Variants in CUL4B observed in about 807,000 individuals in gnomAD.
CUL4B encodes cullin 4B, also known as cullin-4B.
A neutral mutation model predicts 69.2 loss-of-function variants in CUL4B; 1 was observed. The observed-to-expected ratio is 0.01, with a 90% CI of 0.01 to 0.07. CUL4B has a LOEUF of 0.07. Ranked by LOEUF, CUL4B falls within the 10% of genes least tolerant of loss-of-function variation. CUL4B has a pLI of 1.00. For synonymous variants in CUL4B, 237 were observed against 223.2 expected (o/e 1.06, Z -0.55); for missense variants, 328 against 638.8 (o/e 0.51, Z 5.24).
At chrX:120,566,686 C>T (rs751498976), downstream of CUL4B, among the ~76,000 whole-genome samples, 21 of 109,529 alleles carry the variant, frequency 1.9e-4, no homozygotes, top group South Asian at 1.6e-3. Flanking sequence ...TGTGAGCCAC[C>T]GCACCCAGCC....
rs772935571 is a variant in CUL4B at position 120,560,681 on chromosome X, C to A, written c.-43G>T. ...CAGGCAGAGGAGCATCAAAAACCTA[C>A]GTTTATATGCCTGCGTGCGTGTAGG... is the stretch of plus-strand genomic sequence containing the variant. On this transcript the variant is annotated 5_prime_UTR_variant, in exon 1 of 20. Transcript: ENST00000371322. 5 of 1,183,070 alleles carry A rather than the reference C, an allele frequency of 4.2e-6. No homozygotes were observed. In the East Asian group the frequency reaches 1.5e-4, roughly 36 times the overall value.
At chrX:120,568,231 G>T (rs1369002020), downstream of CUL4B, among the ~76,000 whole-genome samples, 1 of 111,306 alleles carries the variant, frequency 9.0e-6, no homozygotes, top group Non-Finnish European at 1.9e-5. Flanking sequence ...TACCAACCAG[G>T]AAGGAAAGAT....
upstream of CUL4B, chrX:120,561,461 G>A (rs1925314286): frequency 6.0e-6 from 3 of 501,719 alleles, no homozygotes; most frequent in Non-Finnish European, 1.1e-5. Context: ...AAGGGGGGAG[G>A]GAGAAATTGG....
chrX:120,528,665 G>A (rs900368642), intron 19 of CUL4B, among the ~76,000 whole-genome samples: 13 of 110,893 alleles, frequency 1.2e-4, no homozygotes, highest in Non-Finnish European at 1.9e-5. Context: ...ACGCTGCAGT[G>A]AGCCAAGATC....
In CUL4B at chrX:120,547,215, T is replaced by C; in HGVS notation, c.697A>G (p.Lys233Glu). 1 of 1,197,299 alleles carries C rather than the reference T, an allele frequency of 8.4e-7. No individual in the cohort carries two copies. Among genetic ancestry groups the C allele is most frequent in the Non-Finnish European group, 1.1e-6 (1 of 882,861 alleles). ...TGTTTGTACAAGTTTGCAGAAATCT[T>C]GTAAGAACAGAGATTTTCTACAGCC... ...YQAVENLCSYKISANLYKQLR... is the reference protein window; with the variant it reads ...YQAVENLCSYEISANLYKQLR... Residue 233 changes from lysine (K) to glutamate (E), a missense_variant, in exon 3 of 20, where the codon AAG (lysine) becomes GAG (glutamate). By Grantham distance (56) the Lys-to-Glu change is moderately conservative. Coordinates refer to ENST00000371322, the MANE Select transcript of CUL4B (RefSeq NM_001079872.2).
At chrX:120,574,404 G>T (rs1344895794) in intron 2 of CUL4B, 1 of 494,046 alleles carries the variant, frequency 2.0e-6, no homozygotes, top group African/African-American at 2.4e-5. Context: ...TAGAGACGGG[G>T]TTTCACCGTG....
At chrX:120,565,077 T>G (rs1364790765), upstream of CUL4B, among the ~76,000 whole-genome samples, 1 of 111,807 alleles carries the variant, frequency 8.9e-6, no homozygotes, top group East Asian at 2.8e-4. Flanking sequence ...TGTGGACATC[T>G]CCCTAAAAAG....
In CUL4B at chrX:120,539,271, A is replaced by G. The variant is rs1923849803; in HGVS notation, c.1738T>C (p.Tyr580His). The change falls in exon 12 of 20, where the codon TAT becomes CAT. Residue 580 changes from tyrosine (Y) to histidine (H), a missense_variant. Physicochemically the swap from Tyr to His is moderately conservative, Grantham distance 83 (BLOSUM62 2). This residue lies in a region of CUL4B where 98 missense variants were observed against 296.8 expected (regional missense o/e 0.33). Transcript: ENST00000371322. Reference protein sequence around the residue: ...DKIMIIFRFIYGKDVFEAFYK... With the variant: ...DKIMIIFRFIHGKDVFEAFYK... Reference sequence around the variant, plus strand: ...TAAAACATTAGTAAATACTTACCATAGATAAATCTAAATATGATCATAATT... The same window carrying G: ...TAAAACATTAGTAAATACTTACCATGGATAAATCTAAATATGATCATAATT... 2 of 1,073,172 alleles carry G rather than the reference A, an allele frequency of 1.9e-6. No individual in the cohort carries two copies. Among genetic ancestry groups the G allele is most frequent in the Non-Finnish European group, 2.6e-6 (2 of 778,214 alleles). 88.4% of individuals were successfully genotyped at this position (1,073,172 alleles called of 1,213,427 possible). A position where few individuals can be genotyped will look rare whatever the true frequency, so the allele number is the denominator to read the frequency against.
chrX:120,569,361 C>CTTT (rs1172319824), downstream of CUL4B, among the ~76,000 whole-genome samples: 1 of 96,192 alleles, frequency 1.0e-5, no homozygotes, highest in Non-Finnish European at 2.1e-5. Flanking sequence ...AGGGAAGTTT[C>CTTT]TTTTTTTTTT....
rs764580798 is a variant in CUL4B at position 120,571,915 on chromosome X, G to A, written c.*54C>T. The A allele has an allele frequency of 3.6e-5, 4 of 110,209 alleles. No individual in the cohort carries two copies. The East Asian group carries it at 1.1e-3, about 31-fold the overall frequency. The allele number at this position is 110,209 out of a possible 1,213,427, so 9.1% of individuals were successfully genotyped here. A position where few individuals can be genotyped will look rare whatever the true frequency, so the allele number is the denominator to read the frequency against. ...GGGAGTTGAATATGCACCGATTTTGGTATCTGCAGGGTTCCTGGAGCCAGT... is the reference window on the plus strand; with the variant it reads ...GGGAGTTGAATATGCACCGATTTTGATATCTGCAGGGTTCCTGGAGCCAGT... On this transcript the variant is annotated 3_prime_UTR_variant, in exon 3 of 3. Transcript: ENST00000486604.
chrX:120,546,673 T>TGACAGAGAGCATATTA (rs1232782682), intron 3 of CUL4B, 57 bp from the exon 4 acceptor site: 31 of 850,317 alleles, frequency 3.6e-5, no homozygotes, highest in Middle Eastern at 5.5e-4. Flanking sequence ...ATGTGCCATG[T>TGACAGAGAGCATATTA]GACAGAGAGC....
chrX:120,566,711 T>C (rs1227749789), downstream of CUL4B, among the ~76,000 whole-genome samples: 2 of 110,740 alleles, frequency 1.8e-5, no homozygotes, highest in Middle Eastern at 4.2e-3. Flanking sequence ...TTCATATTTT[T>C]AGCAAAATTG....
In CUL4B at chrX:120,560,446, A is replaced by G; in HGVS notation, c.193T>C (p.Ser65Pro). 3.3e-6 allele frequency: 4 copies of G among 1,209,672 alleles called. No homozygotes were observed. The highest frequency in any genetic ancestry group is 4.5e-6 in the Non-Finnish European group (4 of 893,947). The change falls in exon 1 of 20, where the codon TCT (serine) becomes CCT (proline). Residue 65 changes from serine (S) to proline (P), a missense_variant. Physicochemically the swap from Ser to Pro is moderately conservative, Grantham distance 74. This residue lies in a region of CUL4B where 102 missense variants were observed against 122.1 expected (regional missense o/e 0.84). Coordinates refer to ENST00000371322, the MANE Select transcript of CUL4B (RefSeq NM_001079872.2). ...CTGGGTTGTAAAGGAGGAGTGGAAG[A>G]GGAGGAAGAGGTGGAATCAAAGTCT... is the stretch of plus-strand genomic sequence containing the variant. ...REDFDSTSSS[S>P]STPPLQPRDS...
intron 1 of CUL4B, 100 bp downstream of exon 1, chrX:120,559,983 G>A (rs1925186660): frequency 1.7e-6 from 2 of 1,191,133 alleles, no homozygotes; most frequent in African/African-American, 1.8e-5. Context: ...TAAAACATTA[G>A]GCCACCTCCA....
At chrX:120,555,999 G>A (rs1924942115) in intron 2 of CUL4B, among the ~76,000 whole-genome samples, 1 of 105,710 alleles carries the variant, frequency 9.5e-6, no homozygotes, top group African/African-American at 3.5e-5. Flanking sequence ...ACCCCAGAAA[G>A]GGTTTCCATA....
At chrX:120,545,003 T>C (rs763762921) in intron 5 of CUL4B, among the ~76,000 whole-genome samples, 1 of 112,636 alleles carries the variant, frequency 8.9e-6, no homozygotes, top group South Asian at 3.6e-4. Flanking sequence ...TTTGGTTATT[T>C]ATCAACTGGT....
At chrX:120,529,380 T>C (rs754482838) in intron 19 of CUL4B, among the ~76,000 whole-genome samples, 7 of 111,634 alleles carry the variant, frequency 6.3e-5, no homozygotes, top group Non-Finnish European at 1.3e-4. Flanking sequence ...ATTATCTCAG[T>C]TTTACAAAAG....
At chrX:120,546,449 A>G in intron 4 of CUL4B, 98 bp downstream of exon 4, 1 of 633,232 alleles carries the variant, frequency 1.6e-6, no homozygotes, top group Non-Finnish European at 2.6e-6. Flanking sequence ...CAATCTCCCT[A>G]TTGCTAAGTT....
Position 120,560,289 on chromosome X carries a change from G to T in CUL4B, c.350C>A (p.Ala117Asp), listed in dbSNP as rs1925205875. ...GGAGGAGGAGGAGGAGGATTCCTCA[G>T]CCATCTTCGCATCAAACCCTACAAA... ...LEFVGFDAKM[A>D]EESSSSSSSS... The change falls in exon 1 of 20, where the codon GCT becomes GAT. Residue 117 changes from alanine to aspartate, a missense_variant. Around this residue, in one of 4 missense-constraint regions of CUL4B, gnomAD observed 102 missense variants for 122.1 expected, o/e 0.84. Coordinates refer to ENST00000371322, the MANE Select transcript of CUL4B (RefSeq NM_001079872.2). The T allele has an allele frequency of 3.3e-6, 4 of 1,211,577 alleles. No individual in the cohort carries two copies. Among genetic ancestry groups the T allele is most frequent in the Non-Finnish European group, 4.5e-6 (4 of 895,436 alleles).
Sources: allele counts gnomAD v4.1 joint callset (sites outside exome capture counted in the v4.1 genomes callset), GRCh38; gene constraint gnomAD v4.1.1; regional missense constraint gnomAD v4.1.1; transcripts MANE v1.5; gene names NCBI Gene and HGNC (gene_info 2026-07-23, HGNC 2026-07-21).